Variants in ARHGAP24 observed in about 807,000 individuals in gnomAD.
The protein encoded by ARHGAP24 is Rho GTPase activating protein 24.
A neutral mutation model predicts 76.4 loss-of-function variants in ARHGAP24; 50 were observed. The observed-to-expected ratio is 0.65, with a 90% confidence interval of 0.52 to 0.83. The LOEUF (loss-of-function observed/expected upper bound fraction) is 0.83. Ranked by LOEUF, ARHGAP24 falls within the 40% of genes least tolerant of loss-of-function variation. The pLI is 0.00. For synonymous variants in ARHGAP24, 345 were observed against 323.3 expected, an observed-to-expected ratio of 1.07 and a Z score of -0.72; for missense variants, 930 against 914.2, an observed-to-expected ratio of 1.02 and a Z score of -0.22.
rs1227656942 is a variant in ARHGAP24 at position 85,996,084 on chromosome 4, C to T, written c.2003+427C>T. ...GTAAAAAAAGTAGAAGTAAATAGAC[C>T]TCCATGTTTTATTCTTTCAATCATT... is the stretch of plus-strand genomic sequence containing the variant. On this transcript the variant is annotated intron_variant, in intron 9 of 9. Transcript: ENST00000395184. 3.3e-5 allele frequency among the ~76,000 whole-genome samples: 5 copies of T among 152,068 alleles called. No individual in the cohort carries two copies. The South Asian group carries it at 1.0e-3, about 32-fold the overall frequency.
intron 1 of ARHGAP24, among the ~76,000 whole-genome samples, chr4:85,516,921 A>G (rs1123262): frequency 0.33 from 49,911 of 151,932 alleles, 9,437 homozygotes; most frequent in East Asian, 0.72. Context: ...AAATTTAGAT[A>G]TATAATTCAT....
chr4:85,518,600 A>G (rs1010433847), intron 1 of ARHGAP24, among the ~76,000 whole-genome samples: 1 of 152,118 alleles, frequency 6.6e-6, no homozygotes, highest in Admixed American at 6.6e-5. Context: ...CCCACATATC[A>G]GTGAGAACAT....
intron 2 of ARHGAP24, among the ~76,000 whole-genome samples, chr4:85,661,265 AT>A (rs11354819): frequency 0.93 from 141,741 of 152,232 alleles, 66,026 homozygotes; most frequent in East Asian, 0.98. Flanking sequence ...CTGAAATTAC[AT>A]TAATTGGAGA....
chr4:85,681,190 ACAGTAGG>A (rs1416791036), intron 2 of ARHGAP24, among the ~76,000 whole-genome samples: 1 of 152,080 alleles, frequency 6.6e-6, no homozygotes, highest in African/African-American at 2.4e-5. Context: ...TTTTTATGAG[ACAGTAGG>A]ATTAAATAAG....
intron 1 of ARHGAP24, among the ~76,000 whole-genome samples, chr4:85,512,699 T>C (rs1171332432): frequency 6.6e-6 from 1 of 152,228 alleles, no homozygotes; most frequent in African/African-American, 2.4e-5. Context: ...AATTTCTCCA[T>C]AACTTGTCAC....
intron 3 of ARHGAP24, among the ~76,000 whole-genome samples, chr4:85,876,811 A>G (rs1732961130): frequency 6.6e-6 from 1 of 152,146 alleles, no homozygotes; most frequent in Admixed American, 6.6e-5. Flanking sequence ...AGGCCTCCCA[A>G]TTAATGCTCT....
At chr4:85,747,530 C>T (rs1282612205) in intron 3 of ARHGAP24, among the ~76,000 whole-genome samples, 1 of 152,056 alleles carries the variant, frequency 6.6e-6, no homozygotes. Context: ...GGTGAAACCC[C>T]GTCTCTACTA....
At chr4:85,707,205 C>T (rs1724346602) in intron 2 of ARHGAP24, among the ~76,000 whole-genome samples, 5 of 152,178 alleles carry the variant, frequency 3.3e-5, no homozygotes, top group Admixed American at 2.0e-4. Context: ...TCATCAGCCA[C>T]CATACCCAGC....
At chr4:85,748,513 C>A (rs921250154) in intron 3 of ARHGAP24, among the ~76,000 whole-genome samples, 2 of 152,256 alleles carry the variant, frequency 1.3e-5, no homozygotes, top group South Asian at 2.1e-4. Flanking sequence ...ATAACAAAAA[C>A]TTAAACTTAG....
At chr4:85,708,956 TA>T (rs1353761713) in intron 2 of ARHGAP24, among the ~76,000 whole-genome samples, 1 of 152,208 alleles carries the variant, frequency 6.6e-6, no homozygotes, top group East Asian at 1.9e-4. Flanking sequence ...TATGCATTGT[TA>T]AAATTATCCC....
At chr4:85,679,438 G>A (rs1241499849) in intron 2 of ARHGAP24, among the ~76,000 whole-genome samples, 1 of 152,108 alleles carries the variant, frequency 6.6e-6, no homozygotes, top group Non-Finnish European at 1.5e-5. Context: ...GTATTTTGGG[G>A]TGAAATATTT....
intron 2 of ARHGAP24, among the ~76,000 whole-genome samples, chr4:85,673,844 T>G (rs1722887987): frequency 6.6e-6 from 1 of 151,712 alleles, no homozygotes; most frequent in African/African-American, 2.4e-5. Context: ...CAAAATCTGG[T>G]TCCTTAGTCT....
intron 5 of ARHGAP24, among the ~76,000 whole-genome samples, chr4:85,966,207 C>T (rs1738586245): frequency 1.3e-5 from 2 of 152,152 alleles, no homozygotes; most frequent in African/African-American, 2.4e-5. Flanking sequence ...GCCGCACCCT[C>T]ATGAATTCAT....
chr4:85,912,281 C>G (rs1185907793), intron 3 of ARHGAP24, among the ~76,000 whole-genome samples: 2 of 152,044 alleles, frequency 1.3e-5, no homozygotes, highest in Non-Finnish European at 1.5e-5. Context: ...GTGCCTTTAT[C>G]TAAATGGTGG....
At chr4:85,861,284 C>T (rs150160674) in intron 3 of ARHGAP24, among the ~76,000 whole-genome samples, 2 of 152,186 alleles carry the variant, frequency 1.3e-5, no homozygotes, top group African/African-American at 2.4e-5. Flanking sequence ...CTGGTGATCA[C>T]CCTCTTCCAT....
At chr4:85,741,773 A>G (rs1725835707) in intron 3 of ARHGAP24, among the ~76,000 whole-genome samples, 1 of 152,202 alleles carries the variant, frequency 6.6e-6, no homozygotes, top group South Asian at 2.1e-4. Context: ...GCTCCATTCC[A>G]TGAATATAGG....
At chr4:85,554,279 T>C (rs1257251435) in intron 1 of ARHGAP24, among the ~76,000 whole-genome samples, 2 of 152,208 alleles carry the variant, frequency 1.3e-5, no homozygotes, top group African/African-American at 2.4e-5. Flanking sequence ...TGATTCTGTA[T>C]CTTGAGGATG....
intron 2 of ARHGAP24, among the ~76,000 whole-genome samples, chr4:85,687,039 T>C (rs1723448176): frequency 6.6e-6 from 1 of 152,096 alleles, no homozygotes; most frequent in Admixed American, 6.6e-5. Flanking sequence ...AACATACCTG[T>C]ATCAACTTCA....
At chr4:85,859,926 A>G (rs1317448177) in intron 3 of ARHGAP24, among the ~76,000 whole-genome samples, 1 of 151,978 alleles carries the variant, frequency 6.6e-6, no homozygotes, top group African/African-American at 2.4e-5. Flanking sequence ...TTTAGAGCTT[A>G]CAATTAAAAA....
Sources: allele counts gnomAD v4.1 joint callset (sites outside exome capture counted in the v4.1 genomes callset), GRCh38; gene constraint gnomAD v4.1.1; transcripts MANE v1.5; gene names NCBI Gene and HGNC (gene_info 2026-07-23, HGNC 2026-07-21).